The following ERI1 variants were observed in gnomAD, a reference collection of about 807,000 sequenced individuals.
The protein encoded by ERI1 is 3'-5' exoribonuclease 1.
Under a neutral mutation model 39.7 loss-of-function variants are expected in ERI1, and 39 were observed. The ratio of observed to expected loss-of-function variants is 0.98; its 90% CI spans 0.76 to 1.28. The LOEUF (loss-of-function observed/expected upper bound fraction) is 1.28, where lower values mean the gene tolerates loss of function less well. Among genes scored for constraint, ERI1 ranks in the 50% most tolerant of loss-of-function variants. ERI1 has a pLI of 0.00. For synonymous variants in ERI1, 204 were observed against 149.6 expected (o/e 1.36, Z -2.65); for missense variants, 581 against 416.9 (o/e 1.39, Z -3.43).
At chr8:9,021,399 T>C (rs1283180575) in intron 6 of ERI1, among the ~76,000 whole-genome samples, 2 of 152,210 alleles carry the variant, frequency 1.3e-5, no homozygotes, top group Non-Finnish European at 2.9e-5. Context: ...TTAATTCTCA[T>C]GCATTAGATA....
At position 9,094,234 on chromosome 8, in the gene ERI1, A is replaced by G. The variant is rs112230115; in HGVS notation, n.300-22114A>G. On this transcript the variant is annotated intron_variant and non_coding_transcript_variant, in intron 3 of 3. Transcript: ENST00000518663. The stretch of plus-strand genomic sequence containing the variant: ...ATTTCTAAAATAATAGCATATTACA[A>G]TATGAGCATGAGAATCGTCGTGGAC... Among the ~76,000 whole-genome samples, 269 of 152,328 alleles carry G rather than the reference A, an allele frequency of 1.8e-3. 1 individual carries two copies. Among genetic ancestry groups the G allele is most frequent in the African/African-American group, 6.1e-3 (253 of 41,590 alleles).
intron 3 of ERI1, 26 bp downstream of exon 3, chr8:9,011,778 G>T: frequency 6.5e-7 from 1 of 1,532,664 alleles, no homozygotes; most frequent in Non-Finnish European, 8.9e-7. Context: ...TATTTTAATT[G>T]TATTTCTAGC....
chr8:9,056,833 A>C lies in ERI1; in HGVS notation n.299+36369A>C, dbSNP rs977218044. Among the ~76,000 whole-genome samples, 7 of 152,104 alleles carry C rather than the reference A, an allele frequency of 4.6e-5. No individual in the cohort carries two copies. In the East Asian group the frequency reaches 1.3e-3, roughly 29 times the overall value. On this transcript the variant is annotated intron_variant and non_coding_transcript_variant, in intron 3 of 3. Coordinates refer to the ERI1 transcript ENST00000518663. The stretch of plus-strand genomic sequence containing the variant: ...TCAATTACGTGGGAACACTTTCCCC[A>C]TGTAATTGTCTGTTTTTTGAGACAA...
intron 3 of ERI1, among the ~76,000 whole-genome samples, chr8:9,088,960 G>C (rs780299457): frequency 6.6e-6 from 1 of 152,188 alleles, no homozygotes; most frequent in African/African-American, 2.4e-5. Flanking sequence ...TAGTTCCTAA[G>C]CTGCAGGGTT....
intron 3 of ERI1, among the ~76,000 whole-genome samples, chr8:9,064,668 T>C (rs1798811013): frequency 6.6e-6 from 1 of 152,162 alleles, no homozygotes; most frequent in African/African-American, 2.4e-5. Context: ...TGGTGAGTTG[T>C]TCCTTGGGCT....
At chr8:9,061,043 G>T (rs923324079) in intron 3 of ERI1, among the ~76,000 whole-genome samples, 4 of 152,214 alleles carry the variant, frequency 2.6e-5, no homozygotes, top group Non-Finnish European at 4.4e-5. Context: ...TTGCAAGAGC[G>T]AGGGCTTGAG....
chr8:9,017,231 C>T (rs191758021), intron 4 of ERI1, among the ~76,000 whole-genome samples: 57 of 151,828 alleles, frequency 3.8e-4, no homozygotes, highest in South Asian at 2.1e-3. Context: ...TTAGTAGAGA[C>T]GGGTTTCACT....
intron 3 of ERI1, among the ~76,000 whole-genome samples, chr8:9,042,946 C>G (rs1043817801): frequency 2.6e-5 from 4 of 152,178 alleles, no homozygotes; most frequent in East Asian, 1.9e-4. Flanking sequence ...CCGTATGTCC[C>G]CCGGCACATG....
At chr8:9,072,096 G>A (rs1373750063) in intron 3 of ERI1, among the ~76,000 whole-genome samples, 1 of 152,050 alleles carries the variant, frequency 6.6e-6, no homozygotes, top group Non-Finnish European at 1.5e-5. Context: ...ATGACAGAGA[G>A]GCAGAATTCT....
At chr8:9,047,102 A>C (rs1407018188) in intron 3 of ERI1, among the ~76,000 whole-genome samples, 1 of 152,242 alleles carries the variant, frequency 6.6e-6, no homozygotes, top group African/African-American at 2.4e-5. Flanking sequence ...TCCCAGAAGG[A>C]GCACTCCTTG....
chr8:9,065,587 C>T (rs202215213), intron 3 of ERI1, among the ~76,000 whole-genome samples: 17 of 150,148 alleles, frequency 1.1e-4, no homozygotes, highest in East Asian at 5.9e-4. Context: ...CCCAGCTACT[C>T]GGGAGGCTGA....
chr8:9,055,418 C>T (rs1798475817), intron 3 of ERI1, among the ~76,000 whole-genome samples: 1 of 152,194 alleles, frequency 6.6e-6, no homozygotes, highest in African/African-American at 2.4e-5. Context: ...AATGGGGAAA[C>T]CTAGCCAGGC....
rs193097062 is a variant in ERI1 at position 9,019,630 on chromosome 8, T to C, written c.693-720T>C. Reference sequence around the variant, plus strand: ...GCAGCTCAGGGAAGGTGAGGTTGCGTCAAAGTATATGAAAATTGTACAGAA... The same window carrying C: ...GCAGCTCAGGGAAGGTGAGGTTGCGCCAAAGTATATGAAAATTGTACAGAA... On this transcript the variant is annotated intron_variant, in intron 5 of 6. Coordinates refer to ENST00000250263, the MANE Select transcript of ERI1 (RefSeq NM_153332.4). Among the ~76,000 whole-genome samples, 492 of 152,310 alleles carry C rather than the reference T, an allele frequency of 3.2e-3. 18 individuals carry two copies. In the South Asian group the frequency reaches 0.062, roughly 19 times the overall value.
chr8:9,025,219 A>G (rs536236465), intron 6 of ERI1, among the ~76,000 whole-genome samples: 2 of 152,304 alleles, frequency 1.3e-5, no homozygotes, highest in South Asian at 4.1e-4. Flanking sequence ...CAGTTTTTCC[A>G]TGTGGCACTC....
At chr8:9,023,109 C>G (rs995777806) in intron 6 of ERI1, among the ~76,000 whole-genome samples, 1 of 152,092 alleles carries the variant, frequency 6.6e-6, no homozygotes, top group Non-Finnish European at 1.5e-5. Flanking sequence ...GTTAATATGT[C>G]TCTTAAGTTT....
chr8:9,024,006 TAGCC>T (rs530355772), intron 6 of ERI1, among the ~76,000 whole-genome samples: 78 of 152,176 alleles, frequency 5.1e-4, no homozygotes, highest in African/African-American at 1.9e-3. Flanking sequence ...TTCACCATAT[TAGCC>T]AGGCTGGTCT....
intron 6 of ERI1, among the ~76,000 whole-genome samples, chr8:9,029,509 T>C (rs66483157): frequency 0.16 from 24,202 of 152,028 alleles, 2,186 homozygotes; most frequent in African/African-American, 0.23. Context: ...TTTTGTATTT[T>C]AAGAAGAGAT....
At chr8:9,087,899 G>A (rs554171042) in intron 3 of ERI1, among the ~76,000 whole-genome samples, 1 of 152,332 alleles carries the variant, frequency 6.6e-6, no homozygotes, top group Non-Finnish European at 1.5e-5. Flanking sequence ...ATGCCTGGAA[G>A]TGAGGGATTT....
intron 5 of ERI1, 96 bp from the exon 6 acceptor site, chr8:9,020,254 A>G (rs897710818): frequency 3.5e-6 from 2 of 566,900 alleles, no homozygotes; most frequent in Non-Finnish European, 5.8e-6. Context: ...TGAATATGAG[A>G]AAGTTGACAT....
Sources: allele counts gnomAD v4.1 joint callset (sites outside exome capture counted in the v4.1 genomes callset), GRCh38; gene constraint gnomAD v4.1.1; transcripts MANE v1.5; gene names NCBI Gene and HGNC (gene_info 2026-07-23, HGNC 2026-07-21).